The following ROBO1 variants were observed in gnomAD, a reference collection of about 807,000 sequenced individuals.
The protein encoded by ROBO1 is roundabout homolog 1.
A neutral mutation model predicts 195.9 loss-of-function variants in ROBO1; 149 were observed. That is an observed-to-expected ratio of 0.76 (90% confidence interval 0.67 to 0.87). The LOEUF (loss-of-function observed/expected upper bound fraction) is 0.87, where lower values mean the gene tolerates loss of function less well. ROBO1 is among the 40% of genes least tolerant of loss of function. The pLI, the probability that ROBO1 is intolerant of heterozygous loss-of-function variation, is 0.00. For synonymous variants in ROBO1, 816 were observed against 733.2 expected (o/e 1.11, Z -1.82); for missense variants, 1,933 against 2,068.3 (o/e 0.93, Z 1.27).
intron 2 of ROBO1, among the ~76,000 whole-genome samples, chr3:79,418,872 G>T (rs1380828928): frequency 2.0e-5 from 3 of 152,084 alleles, no homozygotes; most frequent in African/African-American, 7.2e-5. Context: ...TTCTAAGAGG[G>T]CTTGGGGGAT....
At chr3:78,849,521 T>C (rs1037508478) in intron 4 of ROBO1, among the ~76,000 whole-genome samples, 1 of 152,126 alleles carries the variant, frequency 6.6e-6, no homozygotes, top group Non-Finnish European at 1.5e-5. Context: ...TAGTCTCTTT[T>C]TGATAGTCTG....
At chr3:79,643,471 A>C (rs1444811843) in intron 1 of ROBO1, among the ~76,000 whole-genome samples, 2 of 152,198 alleles carry the variant, frequency 1.3e-5, no homozygotes, top group African/African-American at 4.8e-5. Flanking sequence ...CAAAGCCCAA[A>C]GGAAAAATCT....
At chr3:79,530,744 A>C (rs1941617547) in intron 2 of ROBO1, among the ~76,000 whole-genome samples, 1 of 141,598 alleles carries the variant, frequency 7.1e-6, no homozygotes, top group African/African-American at 2.7e-5. Flanking sequence ...TAATTCACCC[A>C]CACCTTGTAA....
chr3:79,636,638 C>T (rs534340685), intron 1 of ROBO1, among the ~76,000 whole-genome samples: 4 of 152,264 alleles, frequency 2.6e-5, no homozygotes, highest in East Asian at 1.9e-4. Context: ...GCTCCCCTCA[C>T]GTGCACTTTT....
At chr3:79,313,360 T>G (rs1053781742) in intron 2 of ROBO1, among the ~76,000 whole-genome samples, 1 of 152,304 alleles carries the variant, frequency 6.6e-6, no homozygotes, top group Non-Finnish European at 1.5e-5. Context: ...AGCCCCATCC[T>G]ATTTCAAAAA....
At chr3:79,365,223 G>A (rs771007855) in intron 2 of ROBO1, among the ~76,000 whole-genome samples, 1 of 152,086 alleles carries the variant, frequency 6.6e-6, no homozygotes, top group Admixed American at 6.6e-5. Flanking sequence ...CCCTTCACCA[G>A]CATTTTTTAT....
intron 1 of ROBO1, among the ~76,000 whole-genome samples, chr3:79,649,979 AATAG>A (rs1302157561): frequency 6.6e-6 from 1 of 152,132 alleles, no homozygotes; most frequent in African/African-American, 2.4e-5. Flanking sequence ...TGTGAAAAAA[AATAG>A]ATAATTATTG....
At chr3:78,914,706 A>G (rs1286437682) in intron 4 of ROBO1, among the ~76,000 whole-genome samples, 1 of 147,418 alleles carries the variant, frequency 6.8e-6, no homozygotes. Flanking sequence ...ATTTATAGGT[A>G]TATATTTTAT....
chr3:79,319,283 C>T (rs1043356649), intron 2 of ROBO1, among the ~76,000 whole-genome samples: 4 of 152,034 alleles, frequency 2.6e-5, no homozygotes, highest in Admixed American at 6.6e-5. Context: ...TGAACTAACA[C>T]GTGGTTTAAT....
chr3:79,431,692 A>C (rs1421793790), intron 2 of ROBO1, among the ~76,000 whole-genome samples: 1 of 152,178 alleles, frequency 6.6e-6, no homozygotes, highest in Non-Finnish European at 1.5e-5. Context: ...GTTTAATTGC[A>C]AGGAAATATA....
intron 5 of ROBO1, among the ~76,000 whole-genome samples, chr3:78,730,987 A>G (rs1463644398): frequency 2.6e-5 from 4 of 152,110 alleles, no homozygotes; most frequent in African/African-American, 9.7e-5. Flanking sequence ...TACTTTTGCT[A>G]TTTCCTGAGA....
chr3:78,701,726 G>A (rs934867501), intron 8 of ROBO1, among the ~76,000 whole-genome samples: 16 of 152,040 alleles, frequency 1.1e-4, no homozygotes, highest in African/African-American at 3.6e-4. Context: ...TTTGTAAAAC[G>A]GCCTATCTAT....
intron 2 of ROBO1, among the ~76,000 whole-genome samples, chr3:79,286,233 C>T (rs1394554554): frequency 6.6e-6 from 1 of 152,142 alleles, no homozygotes; most frequent in Non-Finnish European, 1.5e-5. Context: ...GTGTACACTT[C>T]TTTCTTTATG....
intron 2 of ROBO1, among the ~76,000 whole-genome samples, chr3:79,342,643 C>T (rs967343216): frequency 2.0e-5 from 3 of 151,964 alleles, no homozygotes; most frequent in Non-Finnish European, 4.4e-5. Flanking sequence ...ACTATAATGA[C>T]TATATCTTGG....
intron 2 of ROBO1, among the ~76,000 whole-genome samples, chr3:79,358,199 A>T (rs73848865): frequency 0.014 from 2,134 of 152,198 alleles, 40 homozygotes; most frequent in African/African-American, 0.047. Flanking sequence ...ATCTATAGGG[A>T]TGTTACAATA....
rs143968860 is a variant in ROBO1, at chr3:79,489,733, T to C, written c.88+100091A>G. On this transcript the variant is annotated intron_variant, in intron 2 of 30. Coordinates refer to ENST00000464233, the MANE Select transcript of ROBO1 (RefSeq NM_002941.4). The stretch of plus-strand genomic sequence containing the variant: ...GTAATTTTCTACTCTACAAACACCA[T>C]ACAGACAAACAAAATATGAAGAGGT... 2.8e-3 allele frequency among the ~76,000 whole-genome samples: 423 copies of C among 151,512 alleles called. 10 individuals are homozygous for C. In the East Asian group the frequency reaches 0.069, roughly 25 times the overall value.
chr3:79,446,659 C>T (rs991963380), intron 2 of ROBO1, among the ~76,000 whole-genome samples: 1 of 152,052 alleles, frequency 6.6e-6, no homozygotes, highest in Non-Finnish European at 1.5e-5. Context: ...TACAATATAC[C>T]TCAGTGCACT....
At chr3:79,430,908 G>C (rs999272958) in intron 2 of ROBO1, among the ~76,000 whole-genome samples, 5 of 152,080 alleles carry the variant, frequency 3.3e-5, no homozygotes, top group African/African-American at 4.8e-5. Flanking sequence ...CATTATGTTA[G>C]ACTGGACCAA....
chr3:78,668,354 A>G, intron 12 of ROBO1, 52 bp from the exon 13 acceptor site: 1 of 1,603,466 alleles, frequency 6.2e-7, no homozygotes. Flanking sequence ...ATACACAGAT[A>G]AGCGGATAAA....
Sources: gnomAD v4.1 joint callset for allele counts (sites outside exome capture counted in the v4.1 genomes callset) on GRCh38, gnomAD v4.1.1 for gene constraint, MANE v1.5 for transcripts, NCBI Gene and HGNC (gene_info 2026-07-23, HGNC 2026-07-21) for gene names.